The following FILIP1L variants were observed in gnomAD, a reference collection of about 807,000 sequenced individuals.
FILIP1L encodes filamin A-interacting protein 1-like.
In FILIP1L, 55 loss-of-function variants were observed where a neutral mutation model predicts 96.6. The ratio of observed to expected loss-of-function variants is 0.57; its 90% CI spans 0.46 to 0.71. The LOEUF (loss-of-function observed/expected upper bound fraction) is 0.71. Ranked by LOEUF, FILIP1L falls within the 30% of genes least tolerant of loss-of-function variation. The probability of loss-of-function intolerance (pLI) is 0.00; values close to 1 mark genes in which losing one functional copy is unlikely to be tolerated. For missense variants in FILIP1L, 1,304 were observed against 1,321.2 expected, an observed-to-expected ratio of 0.99 and a Z score of 0.20; for synonymous variants, 467 against 473.9, an observed-to-expected ratio of 0.99 and a Z score of 0.19.
intron 1 of FILIP1L, chr3:100,040,768 G>C (rs542141317): frequency 1.3e-5 from 2 of 152,108 alleles, no homozygotes; most frequent in African/African-American, 2.4e-5. Flanking sequence ...GAGCCATGTG[G>C]GACTCTTTTC....
At chr3:99,998,812 G>T (rs750438176) in intron 1 of FILIP1L, among the ~76,000 whole-genome samples, 1 of 152,084 alleles carries the variant, frequency 6.6e-6, no homozygotes, top group Admixed American at 6.5e-5. Context: ...CTCGTGATCC[G>T]CCCGCCTTAG....
chr3:100,108,904 A>G (rs1308168875), intron 1 of FILIP1L, among the ~76,000 whole-genome samples: 2 of 152,094 alleles, frequency 1.3e-5, no homozygotes, highest in Non-Finnish European at 2.9e-5. Context: ...GTAACTGTGT[A>G]TCTGTCAGAA....
chr3:100,004,086 T>G (rs1048737925), intron 1 of FILIP1L, among the ~76,000 whole-genome samples: 3 of 152,178 alleles, frequency 2.0e-5, no homozygotes, highest in Non-Finnish European at 2.9e-5. Context: ...AAATCCACCT[T>G]GATTCGGCCT....
At chr3:99,988,446 A>G (rs375931083) in intron 1 of FILIP1L, among the ~76,000 whole-genome samples, 17 of 138,042 alleles carry the variant, frequency 1.2e-4, no homozygotes, top group African/African-American at 4.7e-4. Context: ...TGGGAGGCGG[A>G]GGTTGCAGTG....
intron 4 of FILIP1L, among the ~76,000 whole-genome samples, chr3:99,901,169 A>G (rs1706423585): frequency 1.3e-5 from 2 of 152,246 alleles, no homozygotes; most frequent in Non-Finnish European, 2.9e-5. Context: ...TGGGTCTTAG[A>G]TGGTCATTAC....
At chr3:99,929,319 T>A (rs762408577) in intron 3 of FILIP1L, among the ~76,000 whole-genome samples, 29 of 152,208 alleles carry the variant, frequency 1.9e-4, no homozygotes, top group Non-Finnish European at 3.8e-4. Context: ...CATTAAACTT[T>A]GAAGGAAAAA....
At chr3:100,008,733 T>G (rs1490691303) in intron 1 of FILIP1L, among the ~76,000 whole-genome samples, 1 of 152,256 alleles carries the variant, frequency 6.6e-6, no homozygotes, top group African/African-American at 2.4e-5. Context: ...CTTGCTTCTC[T>G]TACTGTTATA....
intron 1 of FILIP1L, among the ~76,000 whole-genome samples, chr3:100,094,418 A>G (rs917189315): frequency 1.3e-5 from 2 of 152,104 alleles, no homozygotes; most frequent in Admixed American, 6.5e-5. Context: ...TCATGTGGCA[A>G]AAGTCTTTTG....
At chr3:100,089,851 A>G (rs988999231) in intron 1 of FILIP1L, among the ~76,000 whole-genome samples, 2 of 152,162 alleles carry the variant, frequency 1.3e-5, no homozygotes, top group African/African-American at 4.8e-5. Context: ...TTTGCCACCT[A>G]CTAGTTCAGT....
intron 1 of FILIP1L, among the ~76,000 whole-genome samples, chr3:100,091,833 G>A (rs563279289): frequency 6.6e-6 from 1 of 152,302 alleles, no homozygotes; most frequent in South Asian, 2.1e-4. Flanking sequence ...GTGATTCACA[G>A]GTACATTGTT....
At chr3:99,875,823 A>G (rs1380055843) in intron 4 of FILIP1L, among the ~76,000 whole-genome samples, 1 of 152,236 alleles carries the variant, frequency 6.6e-6, no homozygotes, top group Non-Finnish European at 1.5e-5. Context: ...TATGTAATAC[A>G]GTCACCTCCC....
At chr3:99,989,067 A>C (rs1332756707) in intron 1 of FILIP1L, among the ~76,000 whole-genome samples, 2 of 152,190 alleles carry the variant, frequency 1.3e-5, no homozygotes, top group African/African-American at 2.4e-5. Context: ...TCATAAACTT[A>C]CTTAGCATTT....
At chr3:99,938,168 T>G (rs547816359) in intron 1 of FILIP1L, among the ~76,000 whole-genome samples, 10 of 152,344 alleles carry the variant, frequency 6.6e-5, no homozygotes, top group Admixed American at 5.9e-4. Context: ...TTAATTTCAC[T>G]GAATTTTGTA....
At chr3:100,090,325 T>C (rs1440004234) in intron 1 of FILIP1L, among the ~76,000 whole-genome samples, 2 of 152,238 alleles carry the variant, frequency 1.3e-5, no homozygotes, top group African/African-American at 2.4e-5. Context: ...CTGAAAATAA[T>C]TGAAAACACC....
intron 1 of FILIP1L, among the ~76,000 whole-genome samples, chr3:99,970,072 A>T (rs1708769160): frequency 6.6e-6 from 1 of 152,236 alleles, no homozygotes; most frequent in Non-Finnish European, 1.5e-5. Flanking sequence ...AAACTTGTTG[A>T]TATTTGAGTA....
chr3:99,888,978 A>G (rs1166388482), intron 4 of FILIP1L, among the ~76,000 whole-genome samples: 1 of 152,164 alleles, frequency 6.6e-6, no homozygotes, highest in Non-Finnish European at 1.5e-5. Context: ...TATTCAGAGA[A>G]TTTGATCAGT....
At chr3:99,894,950 T>G (rs1457653438) in intron 4 of FILIP1L, among the ~76,000 whole-genome samples, 1 of 152,222 alleles carries the variant, frequency 6.6e-6, no homozygotes, top group Non-Finnish European at 1.5e-5. Context: ...AAACATGATA[T>G]TTAATTAACA....
At chr3:100,081,520 A>G (rs1260547065) in intron 1 of FILIP1L, among the ~76,000 whole-genome samples, 1 of 152,176 alleles carries the variant, frequency 6.6e-6, no homozygotes, top group Non-Finnish European at 1.5e-5. Flanking sequence ...ATCTCTGTGG[A>G]TAGCTCAGGG....
At chr3:100,053,740 T>C (rs2065413596) in intron 1 of FILIP1L, among the ~76,000 whole-genome samples, 1 of 152,236 alleles carries the variant, frequency 6.6e-6, no homozygotes, top group Non-Finnish European at 1.5e-5. Context: ...TTGTTTTCAC[T>C]GTGTTATCTT....
Sources: allele counts gnomAD v4.1 joint callset (sites outside exome capture counted in the v4.1 genomes callset), GRCh38; gene constraint gnomAD v4.1.1; transcripts MANE v1.5; gene names NCBI Gene and HGNC (gene_info 2026-07-23, HGNC 2026-07-21).